The following FRG1 variants were observed in gnomAD, a reference collection of about 807,000 sequenced individuals.
FRG1 encodes protein FRG1.
FRG1 carries 19 observed loss-of-function variants against 37.0 expected under a neutral mutation model. The observed-to-expected ratio is 0.51, with a 90% CI of 0.36 to 0.75. FRG1 has a LOEUF of 0.75. Ranked by LOEUF, FRG1 falls within the 30% of genes least tolerant of loss-of-function variation. The pLI is 0.00. For missense variants in FRG1, 243 were observed against 301.4 expected (o/e 0.81, Z 1.44); for synonymous variants, 73 against 96.5 (o/e 0.76, Z 1.43).
intron 6 of FRG1, chr4:189,959,706 C>G (rs1225566596): frequency 1.3e-5 from 2 of 159,202 alleles, no homozygotes; most frequent in Non-Finnish European, 2.7e-5. Context: ...AAGATACTTA[C>G]ACAAAGATTG....
At chr4:189,949,218 G>A (rs540651639) in intron 2 of FRG1, among the ~76,000 whole-genome samples, 41 of 152,272 alleles carry the variant, frequency 2.7e-4, no homozygotes, top group African/African-American at 6.3e-4. Context: ...TTCAGTGCCC[G>A]TGTTCATAGG....
intron 4 of FRG1, among the ~76,000 whole-genome samples, chr4:189,954,819 C>T (rs1736911064): frequency 1.3e-5 from 2 of 152,154 alleles, no homozygotes; most frequent in East Asian, 1.9e-4. Flanking sequence ...TGATCTTGAA[C>T]TTCTTGCCTC....
intron 2 of FRG1, among the ~76,000 whole-genome samples, chr4:189,945,675 T>G (rs1490365940): frequency 6.6e-6 from 1 of 152,202 alleles, no homozygotes; most frequent in Non-Finnish European, 1.5e-5. Flanking sequence ...TTTTTAAGAT[T>G]TCTATATTGG....
At chr4:189,941,245 G>A (rs1336519173) in intron 1 of FRG1, among the ~76,000 whole-genome samples, 174 bp downstream of exon 1, 1 of 152,216 alleles carries the variant, frequency 6.6e-6, no homozygotes, top group Non-Finnish European at 1.5e-5. Flanking sequence ...CGTCTGTGCA[G>A]AGAGGGGCAG....
chr4:189,942,551 G>A (rs1463691280), intron 1 of FRG1, among the ~76,000 whole-genome samples: 1 of 152,064 alleles, frequency 6.6e-6, no homozygotes, highest in Non-Finnish European at 1.5e-5. Context: ...TCCTTTTTAT[G>A]GCTGCATAGT....
chr4:189,942,137 G>A (rs1443433945), intron 1 of FRG1: 1 of 164,288 alleles, frequency 6.1e-6, no homozygotes, highest in Non-Finnish European at 1.3e-5. Flanking sequence ...CATAATTAAT[G>A]CTCATATAGC....
chr4:189,952,367 C>G lies in FRG1; in HGVS notation c.259+80C>G, dbSNP rs556300705. The G allele has an allele frequency of 8.1e-4, 1,061 of 1,307,788 alleles. 7 individuals are homozygous for G. In the African/African-American group the frequency reaches 0.014, roughly 17 times the overall value. 81.0% of individuals were successfully genotyped at this position (1,307,788 alleles called of 1,614,324 possible). On this transcript the variant is annotated intron_variant, in intron 3 of 8. Coordinates refer to ENST00000226798, the MANE Select transcript of FRG1 (RefSeq NM_004477.3). Reference sequence around the variant, plus strand: ...TCACTTAGGCCAAACTCTAACTAGTCTCAAACATTTTCCAAAGGAATGGAA... The same window carrying G: ...TCACTTAGGCCAAACTCTAACTAGTGTCAAACATTTTCCAAAGGAATGGAA...
At chr4:189,951,942 G>T (rs1475236621) in intron 2 of FRG1, among the ~76,000 whole-genome samples, 4 of 152,114 alleles carry the variant, frequency 2.6e-5, no homozygotes, top group Admixed American at 6.5e-5. Flanking sequence ...ATCTGAATAA[G>T]CTTCATGGAT....
intron 7 of FRG1, 60 bp downstream of exon 7, chr4:189,960,899 T>C (rs1737200275): frequency 6.4e-7 from 1 of 1,568,736 alleles, no homozygotes; most frequent in South Asian, 1.2e-5. Context: ...CTCAAAGTGC[T>C]TTCAAAATAA....
At chr4:189,943,414 A>G in intron 2 of FRG1, 142 bp downstream of exon 2, 3 of 955,716 alleles carry the variant, frequency 3.1e-6, no homozygotes, top group Non-Finnish European at 4.7e-6. Context: ...TATAAATTCC[A>G]TTTATTCTTT....
At position 189,943,259 on chromosome 4, in the gene FRG1, G is replaced by A. The variant is rs1395362764; in HGVS notation, c.120G>A (p.Gln40=). 2 of 1,607,732 alleles carry A rather than the reference G, an allele frequency of 1.2e-6. No homozygotes were observed. The highest frequency in any genetic ancestry group is 1.7e-6 in the Non-Finnish European group (2 of 1,177,430). The change falls in exon 2 of 9, where the codon CAG becomes CAA. Residue 40 remains glutamine (Q), a synonymous_variant. Transcript: ENST00000226798. ...AAAGAGAAGAAGATGAAGAAACCCA[G>A]CTTGATATTGTTGGTGAGTCAGTTT... ...KRKREEDEET[Q]LDIVGIWWTV...
chr4:189,955,882 T>C (rs76632041), intron 5 of FRG1, among the ~76,000 whole-genome samples: 2 of 152,304 alleles, frequency 1.3e-5, no homozygotes, highest in East Asian at 3.9e-4. Flanking sequence ...AAGATAAGCT[T>C]AGCCTTTGAG....
At chr4:189,954,948 C>G in intron 4 of FRG1, 89 bp from the exon 5 acceptor site, 1 of 748,972 alleles carries the variant, frequency 1.3e-6, no homozygotes, top group Non-Finnish European at 2.3e-6. Flanking sequence ...GATATGTACA[C>G]AGCCACACAC....
At chr4:189,942,722 TAGG>T (rs1199910126) in intron 1 of FRG1, among the ~76,000 whole-genome samples, 1 of 151,910 alleles carries the variant, frequency 6.6e-6, no homozygotes, top group African/African-American at 2.4e-5. Flanking sequence ...TATACATACT[TAGG>T]AGTAAAATTG....
chr4:189,948,775 C>G (rs552446884), intron 2 of FRG1, among the ~76,000 whole-genome samples: 6 of 152,330 alleles, frequency 3.9e-5, no homozygotes, highest in African/African-American at 1.4e-4. Flanking sequence ...AGTGCACCCT[C>G]GACCTCGTAG....
chr4:189,960,463 C>T (rs7440388), intron 6 of FRG1, among the ~76,000 whole-genome samples: 4 of 152,150 alleles, frequency 2.6e-5, no homozygotes, highest in Non-Finnish European at 5.9e-5. Context: ...AGTTAATGAT[C>T]GCTTTATTTC....
At chr4:189,954,207 T>A (rs1736881321) in intron 4 of FRG1, among the ~76,000 whole-genome samples, 1 of 151,380 alleles carries the variant, frequency 6.6e-6, no homozygotes, top group African/African-American at 2.4e-5. Context: ...TCATAATGTT[T>A]AAAAAAAAAT....
intron 6 of FRG1, among the ~76,000 whole-genome samples, chr4:189,959,210 T>C (rs1355364583): frequency 6.6e-6 from 1 of 152,218 alleles, no homozygotes; most frequent in African/African-American, 2.4e-5. Flanking sequence ...TAATTTCAAA[T>C]CTAAAGCTCA....
chr4:189,958,568 C>G (rs1737089039), intron 6 of FRG1, among the ~76,000 whole-genome samples: 1 of 152,218 alleles, frequency 6.6e-6, no homozygotes, highest in South Asian at 2.1e-4. Flanking sequence ...AATAAAAGTT[C>G]CTTATTCCAG....
Sources: allele counts gnomAD v4.1 joint callset (sites outside exome capture counted in the v4.1 genomes callset), GRCh38; gene constraint gnomAD v4.1.1; transcripts MANE v1.5; gene names NCBI Gene and HGNC (gene_info 2026-07-23, HGNC 2026-07-21).